Variants in PTPRO observed in about 807,000 individuals in gnomAD.
PTPRO encodes the protein receptor-type tyrosine-protein phosphatase O.
In PTPRO, 62 loss-of-function variants were observed where a neutral mutation model predicts 145.2. That is an observed-to-expected ratio of 0.43 (90% CI 0.35 to 0.53). The LOEUF (loss-of-function observed/expected upper bound fraction) is 0.53, where lower values mean the gene tolerates loss of function less well. PTPRO is among the 20% of genes least tolerant of loss of function. The pLI is 0.01. For synonymous variants in PTPRO, 565 were observed against 514.7 expected (o/e 1.10, Z -1.32); for missense variants, 1,345 against 1,482.7 (o/e 0.91, Z 1.53).
chr12:15,490,958 G>A (rs372769816), intron 2 of PTPRO, among the ~76,000 whole-genome samples: 2 of 152,326 alleles, frequency 1.3e-5, no homozygotes, highest in Admixed American at 6.5e-5. Flanking sequence ...GAATAATTTA[G>A]AAAGTTGTTG....
chr12:15,543,122 G>A (rs1943212751), intron 12 of PTPRO, among the ~76,000 whole-genome samples: 2 of 152,134 alleles, frequency 1.3e-5, no homozygotes, highest in South Asian at 2.1e-4. Context: ...CACCAATCAC[G>A]AAGATCCTGA....
intron 1 of PTPRO, among the ~76,000 whole-genome samples, chr12:15,380,429 A>C (rs980405613): frequency 1.3e-5 from 2 of 152,108 alleles, no homozygotes; most frequent in Admixed American, 1.3e-4. Flanking sequence ...GTGGATAGGG[A>C]AACTGCACGA....
intron 6 of PTPRO, 41 bp from the exon 7 acceptor site, chr12:15,508,530 T>C: frequency 1.3e-6 from 2 of 1,571,368 alleles, no homozygotes; most frequent in Non-Finnish European, 1.7e-6. Context: ...TCAATCAGTG[T>C]AACGTGCAGC....
At chr12:15,520,415 G>GT in intron 10 of PTPRO, 103 bp downstream of exon 10, 1 of 794,356 alleles carries the variant, frequency 1.3e-6, no homozygotes, top group East Asian at 2.5e-5. Flanking sequence ...ACCCAGCACT[G>GT]GGTGAGCATC....
chr12:15,597,614 G>A lies in PTPRO; in HGVS notation c.*1541G>A, dbSNP rs1207231226. 6.6e-6 allele frequency among the ~76,000 whole-genome samples: 1 copy of A among 152,198 alleles called. No homozygotes were observed. The highest frequency in any genetic ancestry group is 6.5e-5 in the Admixed American group (1 of 15,280). The stretch of plus-strand genomic sequence containing the variant: ...CCGTCTCTTGTCACTGAAAAGGCTT[G>A]GCCATGGCAGACCTTGGCAGAGTTT... On this transcript the variant is annotated 3_prime_UTR_variant, in exon 27 of 27. Transcript: ENST00000281171.
intron 1 of PTPRO, among the ~76,000 whole-genome samples, chr12:15,462,906 T>A (rs1941337322): frequency 6.6e-6 from 1 of 152,214 alleles, no homozygotes; most frequent in Non-Finnish European, 1.5e-5. Flanking sequence ...AAAATGTAGA[T>A]GCATTAATCA....
chr12:15,500,914 A>G (rs1054710150), intron 4 of PTPRO, among the ~76,000 whole-genome samples: 4 of 152,180 alleles, frequency 2.6e-5, no homozygotes, highest in African/African-American at 9.7e-5. Flanking sequence ...AGAGAGAGAT[A>G]CTGTCTCAAA....
intron 1 of PTPRO, among the ~76,000 whole-genome samples, chr12:15,391,259 A>G (rs1939182909): frequency 6.6e-6 from 1 of 152,202 alleles, no homozygotes; most frequent in Non-Finnish European, 1.5e-5. Context: ...TTTAAGTCAC[A>G]ATCTCTGAAA....
intron 1 of PTPRO, among the ~76,000 whole-genome samples, chr12:15,351,378 C>T (rs985870976): frequency 2.6e-5 from 4 of 152,266 alleles, no homozygotes; most frequent in African/African-American, 9.6e-5. Context: ...GGGCTGTCAG[C>T]AAGACTCCTG....
intron 1 of PTPRO, among the ~76,000 whole-genome samples, chr12:15,475,166 CTCT>C (rs1172062418): frequency 6.6e-5 from 10 of 152,350 alleles, no homozygotes; most frequent in African/African-American, 1.7e-4. Flanking sequence ...AGTCTATTTA[CTCT>C]TCTTCTTATT....
chr12:15,452,968 T>C (rs1025659109), intron 1 of PTPRO, among the ~76,000 whole-genome samples: 6 of 152,100 alleles, frequency 3.9e-5, no homozygotes, highest in African/African-American at 1.4e-4. Flanking sequence ...CAGATCTGAG[T>C]GAGAAAAAGA....
At chr12:15,464,553 G>A (rs533979566) in intron 1 of PTPRO, among the ~76,000 whole-genome samples, 5 of 151,244 alleles carry the variant, frequency 3.3e-5, no homozygotes, top group African/African-American at 1.2e-4. Context: ...TTTAATAGAG[G>A]GGGGTTTCAC....
At chr12:15,353,821 G>C (rs940996299) in intron 1 of PTPRO, among the ~76,000 whole-genome samples, 1 of 152,088 alleles carries the variant, frequency 6.6e-6, no homozygotes, top group African/African-American at 2.4e-5. Flanking sequence ...CCTCTTGGTA[G>C]CCATTACTTT....
chr12:15,532,743 A>G (rs886365615), intron 12 of PTPRO, among the ~76,000 whole-genome samples: 7 of 152,270 alleles, frequency 4.6e-5, no homozygotes, highest in Non-Finnish European at 1.0e-4. Flanking sequence ...TTGCCTGTCT[A>G]CCAATTCCAG....
At chr12:15,475,648 T>C (rs1941636807) in intron 1 of PTPRO, among the ~76,000 whole-genome samples, 1 of 152,060 alleles carries the variant, frequency 6.6e-6, no homozygotes, top group African/African-American at 2.4e-5. Context: ...AATTTTCCAA[T>C]AGGTTAAAAG....
intron 16 of PTPRO, among the ~76,000 whole-genome samples, chr12:15,558,917 C>T (rs972850115): frequency 6.6e-6 from 1 of 152,136 alleles, no homozygotes; most frequent in South Asian, 2.1e-4. Context: ...AACAACCCAA[C>T]TGTGAAGAAA....
At chr12:15,527,258 C>T (rs964541642) in intron 12 of PTPRO, among the ~76,000 whole-genome samples, 1 of 152,156 alleles carries the variant, frequency 6.6e-6, no homozygotes, top group Admixed American at 6.5e-5. Flanking sequence ...ACATTCGTGA[C>T]GCCTCCCCCG....
At chr12:15,519,759 C>A (rs1591679191) in intron 9 of PTPRO, among the ~76,000 whole-genome samples, 1 of 152,124 alleles carries the variant, frequency 6.6e-6, no homozygotes, top group Non-Finnish European at 1.5e-5. Flanking sequence ...TGTGGGTTAC[C>A]CATGGGCTAT....
At chr12:15,555,065 G>A (rs1026571156) in intron 15 of PTPRO, among the ~76,000 whole-genome samples, 49 of 113,368 alleles carry the variant, frequency 4.3e-4, no homozygotes, top group African/African-American at 1.5e-3. Flanking sequence ...GTGAAACCCC[G>A]TCTCTACTAA....
Sources: allele counts gnomAD v4.1 joint callset (sites outside exome capture counted in the v4.1 genomes callset), GRCh38; gene constraint gnomAD v4.1.1; transcripts MANE v1.5; gene names NCBI Gene and HGNC (gene_info 2026-07-23, HGNC 2026-07-21).